The following RFX4 variants were observed in gnomAD, a reference collection of about 807,000 sequenced individuals.
RFX4 encodes the protein regulatory factor X4.
Under a neutral mutation model 95.0 loss-of-function variants are expected in RFX4, and 10 were observed. That is an observed-to-expected ratio of 0.11 (90% CI 0.06 to 0.18). The LOEUF is 0.18. RFX4 is among the 10% of genes least tolerant of loss of function. RFX4 has a pLI of 1.00. For missense variants in RFX4, 640 were observed against 922.0 expected, an observed-to-expected ratio of 0.69 and a Z score of 3.96; for synonymous variants, 321 against 340.7, an observed-to-expected ratio of 0.94 and a Z score of 0.64.
At chr12:106,752,337 G>A (rs555228962) in intron 17 of RFX4, among the ~76,000 whole-genome samples, 1 of 152,268 alleles carries the variant, frequency 6.6e-6, no homozygotes, top group African/African-American at 2.4e-5. Flanking sequence ...TTTGGTTACT[G>A]TAGGACAGTC....
chr12:106,697,273 T>C (rs2041898840), intron 8 of RFX4, among the ~76,000 whole-genome samples: 1 of 152,110 alleles, frequency 6.6e-6, no homozygotes, highest in Non-Finnish European at 1.5e-5. Flanking sequence ...TGGCACTCCT[T>C]CCTGTTGGGA....
At chr12:106,684,078 G>C (rs867539137) in intron 5 of RFX4, among the ~76,000 whole-genome samples, 1 of 152,086 alleles carries the variant, frequency 6.6e-6, no homozygotes, top group Non-Finnish European at 1.5e-5. Flanking sequence ...AGAAATCTGG[G>C]GGGGTGGGCC....
Position 106,747,459 on chromosome 12 carries a change from G to C in RFX4, c.1656G>C (p.Trp552Cys), listed in dbSNP as rs1006757628. 1.2e-6 allele frequency: 2 copies of C among 1,614,044 alleles called. No homozygotes were observed. Among genetic ancestry groups the C allele is most frequent in the African/African-American group, 2.7e-5 (2 of 74,916 alleles). The change falls in exon 16 of 18, where the codon TGG becomes TGC. Residue 552 changes from tryptophan (W) to cysteine (C), a missense_variant. Physicochemically the swap from Trp to Cys is radical, Grantham distance 215. Around this residue, in one of 7 missense-constraint regions of RFX4, gnomAD observed 300 missense variants for 346.8 expected, o/e 0.87. Coordinates refer to ENST00000392842, the MANE Select transcript of RFX4 (RefSeq NM_213594.3). ...STTGAMQSYT[W>C]SLTYTVTTAA... ...CAGGAGCAATGCAGTCTTACACGTGGTCTCTAACATACACAGTGACGACGG... is the reference window on the plus strand; with the variant it reads ...CAGGAGCAATGCAGTCTTACACGTGCTCTCTAACATACACAGTGACGACGG...
chr12:106,746,300 G>A (rs1049772746), intron 15 of RFX4, among the ~76,000 whole-genome samples: 1 of 149,776 alleles, frequency 6.7e-6, no homozygotes, highest in Admixed American at 6.7e-5. Context: ...AGGTTGCAGT[G>A]AGCTGAGATT....
chr12:106,750,989 G>A (rs901741717), intron 17 of RFX4, among the ~76,000 whole-genome samples, 196 bp downstream of exon 17: 2 of 151,512 alleles, frequency 1.3e-5, no homozygotes, highest in African/African-American at 4.9e-5. Context: ...ACATTGTGCA[G>A]GTTAGTTACA....
At chr12:106,691,323 G>A (rs2041776975) in intron 7 of RFX4, among the ~76,000 whole-genome samples, 1 of 152,248 alleles carries the variant, frequency 6.6e-6, no homozygotes, top group South Asian at 2.1e-4. Context: ...ATCAACCAGA[G>A]TGTTCAGAGA....
At chr12:106,682,146 T>G in intron 5 of RFX4, 92 bp downstream of exon 5, 3 of 1,323,968 alleles carry the variant, frequency 2.3e-6, no homozygotes, top group Non-Finnish European at 3.3e-6. Flanking sequence ...GAGCTCTGTC[T>G]GCAGGCCTGG....
intron 3 of RFX4, chr12:106,646,040 G>T: frequency 2.2e-6 from 2 of 901,224 alleles, no homozygotes; most frequent in East Asian, 6.2e-5. Context: ...ATTTTGTGCT[G>T]TGGGTAAATG....
chr12:106,742,674 A>C lies in RFX4; in HGVS notation c.1634-4763A>C, dbSNP rs117428603. Among the ~76,000 whole-genome samples, 44 of 152,318 alleles carry C rather than the reference A, an allele frequency of 2.9e-4. No individual in the cohort carries two copies. The East Asian group carries it at 8.3e-3, about 29-fold the overall frequency. Reference sequence around the variant, plus strand: ...TTTAACAAGATCTCCAGTGATTCAAATACACATTCAACTGTAAGAAACATT... The same window carrying C: ...TTTAACAAGATCTCCAGTGATTCAACTACACATTCAACTGTAAGAAACATT... On this transcript the variant is annotated intron_variant, in intron 15 of 17. Coordinates refer to ENST00000392842, the MANE Select transcript of RFX4 (RefSeq NM_213594.3).
At chr12:106,609,685 A>C (rs1216525174) in intron 2 of RFX4, among the ~76,000 whole-genome samples, 1 of 152,220 alleles carries the variant, frequency 6.6e-6, no homozygotes, top group Non-Finnish European at 1.5e-5. Flanking sequence ...TTCATTTTAT[A>C]AAATTGAGCT....
chr12:106,689,168 G>A (rs534269085), intron 6 of RFX4, 119 bp from the exon 7 acceptor site: 34 of 844,198 alleles, frequency 4.0e-5, no homozygotes, highest in Non-Finnish European at 5.5e-5. Context: ...CTGAGCCGGT[G>A]TTAGGTGAAT....
intron 17 of RFX4, among the ~76,000 whole-genome samples, chr12:106,757,838 A>G (rs183616402): frequency 2.0e-5 from 3 of 152,284 alleles, no homozygotes; most frequent in Admixed American, 2.0e-4. Flanking sequence ...CATTTCTCAA[A>G]ATAGATCTTC....
intron 2 of RFX4, among the ~76,000 whole-genome samples, chr12:106,629,076 C>T (rs780024637): frequency 6.6e-5 from 10 of 152,006 alleles, no homozygotes; most frequent in Non-Finnish European, 1.2e-4. Context: ...ACCTTTTTAA[C>T]ACAAAAAAGT....
At chr12:106,650,040 A>T (rs1329846398) in intron 3 of RFX4, among the ~76,000 whole-genome samples, 1 of 152,144 alleles carries the variant, frequency 6.6e-6, no homozygotes, top group Non-Finnish European at 1.5e-5. Context: ...TTAATCAGCC[A>T]CTATGTGCCA....
intron 14 of RFX4, 95 bp from the exon 15 acceptor site, chr12:106,732,829 C>T: frequency 8.0e-7 from 1 of 1,251,174 alleles, no homozygotes; most frequent in Non-Finnish European, 1.1e-6. Context: ...AGAGTGACAT[C>T]ACACAGATTA....
At chr12:106,646,075 G>A (rs1049919805) in intron 3 of RFX4, 15 of 583,680 alleles carry the variant, frequency 2.6e-5, no homozygotes, top group African/African-American at 9.7e-5. Context: ...GCCATTTGAC[G>A]GGCAATTTTG....
chr12:106,718,182 T>C (rs777683181), intron 11 of RFX4, among the ~76,000 whole-genome samples: 4 of 152,212 alleles, frequency 2.6e-5, no homozygotes, highest in Non-Finnish European at 5.9e-5. Flanking sequence ...GTTCAAACCT[T>C]GCTCTTACAC....
At chr12:106,703,861 T>G (rs1161014976) in intron 8 of RFX4, among the ~76,000 whole-genome samples, 1 of 151,050 alleles carries the variant, frequency 6.6e-6, no homozygotes, top group African/African-American at 2.4e-5. Context: ...AGGCCAGGAG[T>G]CTGAGAACAG....
At chr12:106,610,237 CAAAAAAAAAAA>C (rs398044781) in intron 2 of RFX4, among the ~76,000 whole-genome samples, 5 of 77,496 alleles carry the variant, frequency 6.5e-5, no homozygotes, top group African/African-American at 2.2e-4. Flanking sequence ...GACTCCATCT[CAAAAAAAAAAA>C]AAAAAAAAAA....
Sources: allele counts gnomAD v4.1 joint callset (sites outside exome capture counted in the v4.1 genomes callset), GRCh38; gene constraint gnomAD v4.1.1; regional missense constraint gnomAD v4.1.1; transcripts MANE v1.5; gene names NCBI Gene and HGNC (gene_info 2026-07-23, HGNC 2026-07-21).